Variants in ZNF469 observed in about 807,000 individuals in gnomAD.
The protein encoded by ZNF469 is zinc finger protein 469.
A neutral mutation model predicts 1.0 loss-of-function variants in ZNF469; 1 was observed. The ratio of observed to expected loss-of-function variants is 1.00; its 90% confidence interval spans 0.35 to 4.73. ZNF469 has a LOEUF of 4.73. Among genes scored for constraint, ZNF469 ranks in the 30% most tolerant of loss-of-function variants. ZNF469 has a pLI of 0.16. For missense variants in ZNF469, 6,100 were observed against 5,356.3 expected (o/e 1.14, Z -4.33); for synonymous variants, 2,703 against 2,363.4 (o/e 1.14, Z -4.17).
intron 1 of ZNF469, among the ~76,000 whole-genome samples, chr16:88,394,547 G>A (rs1056881025): frequency 2.0e-5 from 3 of 152,232 alleles, no homozygotes; most frequent in Admixed American, 6.5e-5. Context: ...AGAGGTGCCC[G>A]TGGCCAGGCA....
the ZNF469 span, among the ~76,000 whole-genome samples, chr16:88,145,821 G>A: frequency 5.2e-3 from 799 of 152,352 alleles, 4 homozygotes; most frequent in African/African-American, 0.018. Flanking sequence ...CCCTGCCGCT[G>A]GAGCCTCCTG....
the ZNF469 span, among the ~76,000 whole-genome samples, chr16:88,361,771 T>G: frequency 4.6e-5 from 7 of 152,210 alleles, no homozygotes; most frequent in African/African-American, 1.7e-4. Flanking sequence ...CCTAAGATAC[T>G]TTCTCCAATC....
intron 1 of ZNF469, among the ~76,000 whole-genome samples, chr16:88,410,112 G>T (rs1479841655): frequency 6.6e-6 from 1 of 152,178 alleles, no homozygotes; most frequent in African/African-American, 2.4e-5. Flanking sequence ...GGGGAAGGAA[G>T]GTAACTTAGC....
the ZNF469 span, among the ~76,000 whole-genome samples, chr16:88,256,896 T>TTTCTCTCTCTCTCTCTCTC: frequency 7.4e-5 from 2 of 27,158 alleles, no homozygotes; most frequent in African/African-American, 2.6e-4. Flanking sequence ...TTTTCTTTCC[T>TTTCTCTCTCTCTCTCTCTC]TCTTTCTTTC....
At chr16:88,263,036 C>A in the ZNF469 span, among the ~76,000 whole-genome samples, 1 of 152,180 alleles carries the variant, frequency 6.6e-6, no homozygotes, top group Non-Finnish European at 1.5e-5. Flanking sequence ...AGAAGCAGAC[C>A]TGTGAAAATC....
At chr16:88,394,469 C>G (rs989743693) in intron 1 of ZNF469, among the ~76,000 whole-genome samples, 1 of 152,216 alleles carries the variant, frequency 6.6e-6, no homozygotes, top group Admixed American at 6.5e-5. Context: ...AAAAAATTAT[C>G]CGTGAAGCAT....
At chr16:88,234,425 G>C in the ZNF469 span, among the ~76,000 whole-genome samples, 2 of 152,232 alleles carry the variant, frequency 1.3e-5, no homozygotes, top group East Asian at 3.9e-4. Flanking sequence ...GCTCAGAACG[G>C]TACAAAGAAT....
chr16:88,374,692 GTGTGCAGTGGGCTGAGCTCAGCACCA>G, the ZNF469 span, among the ~76,000 whole-genome samples: 2 of 125,254 alleles, frequency 1.6e-5, no homozygotes, highest in South Asian at 4.4e-4. Flanking sequence ...AAAGAGCTGC[GTGTGCAGTGGGCTGAGCTCAGCACCA>G]TGTGCGGTGG....
At chr16:88,380,108 T>C (rs556006835), upstream of ZNF469, among the ~76,000 whole-genome samples, 9 of 140,540 alleles carry the variant, frequency 6.4e-5, no homozygotes, top group South Asian at 2.3e-4. Flanking sequence ...CTCACAGACA[T>C]GCACTCATAC....
At position 88,432,372 on chromosome 16, in the gene ZNF469, T is replaced by C; in HGVS notation, c.4902T>C (p.Thr1634=). The part of the protein sequence containing the change: ...AADLTRVGES[T]AHREGAESAV... Reference sequence around the variant, plus strand: ...ACCTCACGCGCGTTGGAGAATCCACTGCACATCGGGAGGGTGCGGAATCGG... The same window carrying C: ...ACCTCACGCGCGTTGGAGAATCCACCGCACATCGGGAGGGTGCGGAATCGG... The change falls in exon 3 of 3, where the codon ACT becomes ACC. Residue 1634 remains threonine (T), a synonymous_variant. Transcript: ENST00000565624. 6.5e-7 allele frequency: 1 copy of C among 1,549,018 alleles called. No homozygotes were observed.
At chr16:88,209,073 A>C in the ZNF469 span, among the ~76,000 whole-genome samples, 17 of 152,098 alleles carry the variant, frequency 1.1e-4, no homozygotes, top group Non-Finnish European at 1.5e-5. Flanking sequence ...TTTTGTTTCT[A>C]TCTGCAATCC....
the ZNF469 span, among the ~76,000 whole-genome samples, chr16:88,101,958 G>T: frequency 3.9e-5 from 6 of 152,272 alleles, no homozygotes; most frequent in Middle Eastern, 3.4e-3. Context: ...AGGGTGGCAG[G>T]TCAGGATTGT....
intron 1 of ZNF469, among the ~76,000 whole-genome samples, chr16:88,404,013 C>T (rs1222303284): frequency 1.3e-5 from 2 of 152,266 alleles, no homozygotes; most frequent in East Asian, 3.9e-4. Flanking sequence ...AACACAGCCT[C>T]TGTGCCGCCA....
chr16:88,110,410 G>A, the ZNF469 span, among the ~76,000 whole-genome samples: 4 of 152,278 alleles, frequency 2.6e-5, no homozygotes, highest in Admixed American at 6.5e-5. Context: ...GTCTCCGTCC[G>A]TCTTCTCTGG....
the ZNF469 span, among the ~76,000 whole-genome samples, chr16:88,288,017 T>C: frequency 6.6e-6 from 1 of 152,144 alleles, no homozygotes; most frequent in Non-Finnish European, 1.5e-5. Context: ...GTTGTATAAA[T>C]CTCCTCCCAA....
the ZNF469 span, among the ~76,000 whole-genome samples, chr16:88,361,870 TG>T: frequency 6.6e-6 from 1 of 152,246 alleles, no homozygotes; most frequent in African/African-American, 2.4e-5. Context: ...TGACTGAGTC[TG>T]GGGTGTACAG....
At chr16:88,409,841 C>T (rs1234977517) in intron 1 of ZNF469, among the ~76,000 whole-genome samples, 1 of 73,538 alleles carries the variant, frequency 1.4e-5, no homozygotes, top group Non-Finnish European at 2.5e-5. Flanking sequence ...GGCCTGAGTG[C>T]GACAGGTGTG....
At chr16:88,207,809 C>T in the ZNF469 span, among the ~76,000 whole-genome samples, 4 of 150,036 alleles carry the variant, frequency 2.7e-5, no homozygotes, top group Non-Finnish European at 6.0e-5. Flanking sequence ...TATAAGGATG[C>T]ACCTGATAGC....
Position 88,427,482 on chromosome 16 carries a change from G to A in ZNF469, c.12G>A (p.Glu4=). The change falls in exon 3 of 3, where the codon GAG becomes GAA. Residue 4 remains glutamate (E), a synonymous_variant. Coordinates refer to ENST00000565624, the MANE Select transcript of ZNF469 (RefSeq NM_001367624.2). ...AGGACGGAGGGGCCATGCCTGGGGA[G>A]CGCCCCCGAGGAGCGCCGCCCCCCA... The part of the protein sequence containing the change: MPG[E]RPRGAPPPTM... 6.6e-7 allele frequency: 1 copy of A among 1,516,746 alleles called. No homozygotes were observed. Among genetic ancestry groups the A allele is most frequent in the Non-Finnish European group, 8.8e-7 (1 of 1,135,284 alleles). 94.0% of individuals were successfully genotyped at this position (1,516,746 alleles called of 1,614,324 possible).
Sources: gnomAD v4.1 joint callset for allele counts (sites outside exome capture counted in the v4.1 genomes callset) on GRCh38, gnomAD v4.1.1 for gene constraint, MANE v1.5 for transcripts, NCBI Gene and HGNC (gene_info 2026-07-23, HGNC 2026-07-21) for gene names.